TBC1D22A: variants seen among roughly 807,000 people sequenced by gnomAD.
TBC1D22A encodes the protein TBC1 domain family member 22A.
Under a neutral mutation model 60.2 loss-of-function variants are expected in TBC1D22A, and 38 were observed. That is an observed-to-expected ratio of 0.63 (90% CI 0.49 to 0.83). The LOEUF (loss-of-function observed/expected upper bound fraction) is 0.83. Ranked by LOEUF, TBC1D22A falls within the 40% of genes least tolerant of loss-of-function variation. The probability of loss-of-function intolerance (pLI) is 0.00; values close to 1 mark genes in which losing one functional copy is unlikely to be tolerated. For synonymous variants in TBC1D22A, 302 were observed against 281.7 expected, an observed-to-expected ratio of 1.07 and a Z score of -0.72; for missense variants, 628 against 701.0, an observed-to-expected ratio of 0.90 and a Z score of 1.18.
rs114912438 is a variant in TBC1D22A at position 47,063,737 on chromosome 22, C to T, written c.1329+26539C>T. On this transcript the variant is annotated intron_variant, in intron 11 of 12. Coordinates refer to ENST00000337137, the MANE Select transcript of TBC1D22A (RefSeq NM_014346.5). The stretch of plus-strand genomic sequence containing the variant: ...AATTGGGGTGTGGGCAGGGCTGGTT[C>T]GCTCTGGAAGCTTCGAGGGAGAATC... Among the ~76,000 whole-genome samples, 425 of 152,214 alleles carry T rather than the reference C, an allele frequency of 2.8e-3. 4 individuals are homozygous for T. The highest frequency in any genetic ancestry group is 8.8e-3 in the African/African-American group (366 of 41,510).
intron 4 of TBC1D22A, among the ~76,000 whole-genome samples, chr22:46,804,289 G>C (rs1019370594): frequency 6.6e-6 from 1 of 152,234 alleles, no homozygotes; most frequent in African/African-American, 2.4e-5. Flanking sequence ...TGTCACTAAA[G>C]GGTTTCTGTG....
At chr22:46,924,197 T>G (rs2070915884) in intron 8 of TBC1D22A, among the ~76,000 whole-genome samples, 1 of 152,218 alleles carries the variant, frequency 6.6e-6, no homozygotes, top group Non-Finnish European at 1.5e-5. Flanking sequence ...GACTGAGTCC[T>G]TTGGACTGAT....
chr22:47,072,105 G>A (rs8138814), intron 11 of TBC1D22A, among the ~76,000 whole-genome samples: 28,172 of 152,184 alleles, frequency 0.19, 3,212 homozygotes, highest in African/African-American at 0.32. Flanking sequence ...GAGTGTGCTC[G>A]GAAAGGTGAG....
chr22:46,828,771 C>T (rs1284394317), intron 4 of TBC1D22A, among the ~76,000 whole-genome samples: 1 of 152,216 alleles, frequency 6.6e-6, no homozygotes. Flanking sequence ...CTGCCACCCA[C>T]TGTCACTCTA....
At chr22:47,123,862 AGGTTTGTGTTGCTGTGTGG>A (rs919970497) in intron 12 of TBC1D22A, among the ~76,000 whole-genome samples, 24 of 152,044 alleles carry the variant, frequency 1.6e-4, no homozygotes, top group Admixed American at 3.9e-4. Context: ...CTGTGAGATC[AGGTTTGTGTTGCTGTGTGG>A]GGTTTGTGTT....
At chr22:46,834,713 C>A (rs2086445505) in intron 4 of TBC1D22A, among the ~76,000 whole-genome samples, 1 of 152,188 alleles carries the variant, frequency 6.6e-6, no homozygotes, top group Non-Finnish European at 1.5e-5. Context: ...TACTAACTGC[C>A]TTGTGGACTT....
chr22:46,765,881 G>T (rs1460235586), intron 1 of TBC1D22A, among the ~76,000 whole-genome samples: 3 of 150,494 alleles, frequency 2.0e-5, no homozygotes, highest in African/African-American at 7.3e-5. Context: ...CCTGGGTCCC[G>T]GTTGAAGCAG....
intron 1 of TBC1D22A, among the ~76,000 whole-genome samples, chr22:46,763,059 C>T (rs939615372): frequency 3.9e-5 from 6 of 152,072 alleles, no homozygotes; most frequent in African/African-American, 1.4e-4. Flanking sequence ...TCGAGGCTTG[C>T]AAGGACGAGG....
At chr22:46,825,122 G>T (rs1019543688) in intron 4 of TBC1D22A, among the ~76,000 whole-genome samples, 2 of 152,168 alleles carry the variant, frequency 1.3e-5, no homozygotes, top group African/African-American at 2.4e-5. Flanking sequence ...CAAGGCATTT[G>T]CGTGTGCAGC....
intron 11 of TBC1D22A, among the ~76,000 whole-genome samples, chr22:47,055,895 C>CGGTGAGATACGCCACTGAGGGTT (rs1245663061): frequency 1.4e-3 from 210 of 151,702 alleles, no homozygotes; most frequent in African/African-American, 4.9e-3. Context: ...CACTGAGGGT[C>CGGTGAGATACGCCACTGAGGGTT]GGTGAGATAC....
Position 47,173,616 on chromosome 22 carries a change from A to G in TBC1D22A, c.1544A>G (p.Tyr515Cys), listed in dbSNP as rs778833309. The G allele has an allele frequency of 6.8e-6, 11 of 1,613,496 alleles. No homozygotes were observed. The highest frequency in any genetic ancestry group is 1.7e-4 in the Middle Eastern group (1 of 6,054). Residue 515 changes from tyrosine (Y) to cysteine (C), a missense_variant, in exon 13 of 13, where the codon TAC becomes TGC. Coordinates refer to ENST00000337137, the MANE Select transcript of TBC1D22A (RefSeq NM_014346.5). Reference sequence around the variant, plus strand: ...GCTTTTGCCGACGCCCCCAATCACTACAAGAAATGAGCCCAGGCCCACCCG... The same window carrying G: ...GCTTTTGCCGACGCCCCCAATCACTGCAAGAAATGAGCCCAGGCCCACCCG... ...KFAFADAPNH[Y>C]KK
intron 7 of TBC1D22A, among the ~76,000 whole-genome samples, chr22:46,907,694 G>T (rs900683300): frequency 6.6e-6 from 1 of 152,222 alleles, no homozygotes; most frequent in Non-Finnish European, 1.5e-5. Flanking sequence ...TGTGCCGGCC[G>T]TGCAGGACTG....
chr22:46,790,615 C>A (rs1461832226), intron 1 of TBC1D22A, among the ~76,000 whole-genome samples: 1 of 151,098 alleles, frequency 6.6e-6, no homozygotes, highest in African/African-American at 2.4e-5. Flanking sequence ...TATGAGCAGA[C>A]AATTTACAAA....
At chr22:46,851,026 G>A (rs2087248836) in intron 4 of TBC1D22A, among the ~76,000 whole-genome samples, 2 of 152,194 alleles carry the variant, frequency 1.3e-5, no homozygotes, top group African/African-American at 4.8e-5. Context: ...GAGTGACAGT[G>A]AACAGGCACG....
intron 4 of TBC1D22A, among the ~76,000 whole-genome samples, chr22:46,870,026 C>T (rs1188758951): frequency 6.6e-6 from 1 of 152,202 alleles, no homozygotes; most frequent in Non-Finnish European, 1.5e-5. Flanking sequence ...ATAACTGCAT[C>T]TGTCAGCATA....
At chr22:46,971,392 T>C (rs2074053673) in intron 8 of TBC1D22A, among the ~76,000 whole-genome samples, 2 of 152,204 alleles carry the variant, frequency 1.3e-5, no homozygotes, top group South Asian at 4.1e-4. Flanking sequence ...AATGTCTCCA[T>C]GCTTGGAAGG....
chr22:47,167,840 G>T (rs1436444897), intron 12 of TBC1D22A, among the ~76,000 whole-genome samples: 1 of 152,222 alleles, frequency 6.6e-6, no homozygotes, highest in Non-Finnish European at 1.5e-5. Context: ...TCTCACTCCG[G>T]TCGTGGACTC....
chr22:47,172,736 C>T (rs962496199), intron 12 of TBC1D22A, among the ~76,000 whole-genome samples: 8 of 152,204 alleles, frequency 5.3e-5, no homozygotes, highest in Admixed American at 6.5e-5. Context: ...GAGGAGGAAG[C>T]TGGGCCTCGG....
chr22:47,055,604 C>T (rs998668894), intron 11 of TBC1D22A, among the ~76,000 whole-genome samples: 6 of 152,118 alleles, frequency 3.9e-5, no homozygotes, highest in South Asian at 2.1e-4. Flanking sequence ...CCCCTGCCCT[C>T]AGGGAATCTC....
Sources: gnomAD v4.1 joint callset for allele counts (sites outside exome capture counted in the v4.1 genomes callset) on GRCh38, gnomAD v4.1.1 for gene constraint, MANE v1.5 for transcripts, NCBI Gene and HGNC (gene_info 2026-07-23, HGNC 2026-07-21) for gene names.